The following SLC39A12 variants were observed in gnomAD, a reference collection of about 807,000 sequenced individuals.
SLC39A12 encodes solute carrier family 39 member 12.
A neutral mutation model predicts 71.1 loss-of-function variants in SLC39A12; 63 were observed. That is an observed-to-expected ratio of 0.89 (90% CI 0.72 to 1.09). The LOEUF (loss-of-function observed/expected upper bound fraction) is 1.09, where lower values mean the gene tolerates loss of function less well. SLC39A12 is among the 50% of genes least tolerant of loss of function. The pLI is 0.00. For missense variants in SLC39A12, 892 were observed against 812.6 expected, an observed-to-expected ratio of 1.10 and a Z score of -1.19; for synonymous variants, 351 against 301.3, an observed-to-expected ratio of 1.16 and a Z score of -1.71.
chr10:17,961,754 C>T lies in SLC39A12; in HGVS notation c.435C>T (p.His145=). Residue 145 remains histidine (H), a synonymous_variant, in exon 3 of 13, where the codon CAC becomes CAT. Coordinates refer to ENST00000377369, the MANE Select transcript of SLC39A12 (RefSeq NM_001145195.2). ...ATAAAGAGTATAAATTTTACCTACACAGCCTACTGAGCCTCAGGCAGGATG... is the reference window on the plus strand; with the variant it reads ...ATAAAGAGTATAAATTTTACCTACATAGCCTACTGAGCCTCAGGCAGGATG... ...MSNKEYKFYL[H]SLLSLRQDED... The T allele has an allele frequency of 1.2e-6, 2 of 1,614,032 alleles. No individual in the cohort carries two copies. The highest frequency in any genetic ancestry group is 2.7e-5 in the African/African-American group (2 of 75,036).
intron 4 of SLC39A12, among the ~76,000 whole-genome samples, chr10:17,976,665 T>C (rs1835117734): frequency 6.6e-6 from 1 of 152,210 alleles, no homozygotes; most frequent in Admixed American, 6.5e-5. Context: ...CCTCAGGTGA[T>C]CCACCCGCCT....
chr10:18,036,763 TATATATATATATATATATATATATATA>T (rs1318987019), intron 12 of SLC39A12, among the ~76,000 whole-genome samples: 4 of 8,704 alleles, frequency 4.6e-4, no homozygotes, highest in Admixed American at 8.9e-4. Flanking sequence ...TATATATATA[TATATATATATATATATATATATATATA>T]TATATTTTTT....
At chr10:18,040,595 C>A (rs1419439036) in intron 12 of SLC39A12, among the ~76,000 whole-genome samples, 2 of 151,916 alleles carry the variant, frequency 1.3e-5, no homozygotes, top group Non-Finnish European at 2.9e-5. Flanking sequence ...CATGAAGAAA[C>A]CCTGTCTCTA....
At chr10:18,036,405 C>T (rs2488126) in intron 12 of SLC39A12, among the ~76,000 whole-genome samples, 12,696 of 152,040 alleles carry the variant, frequency 0.084, 611 homozygotes, top group Admixed American at 0.11. Flanking sequence ...GGGAGTGACC[C>T]GATTTTCCAG....
chr10:17,997,806 A>C (rs1829008754), intron 10 of SLC39A12, among the ~76,000 whole-genome samples: 1 of 152,218 alleles, frequency 6.6e-6, no homozygotes, highest in African/African-American at 2.4e-5. Flanking sequence ...TTCAATCCAC[A>C]GTCTGATTTA....
At chr10:17,975,193 A>T (rs1186076377) in intron 4 of SLC39A12, among the ~76,000 whole-genome samples, 1 of 152,066 alleles carries the variant, frequency 6.6e-6, no homozygotes, top group Non-Finnish European at 1.5e-5. Flanking sequence ...CAGGTCCAGA[A>T]ATCCCATCCA....
chr10:18,039,348 C>G (rs993211253), intron 12 of SLC39A12, among the ~76,000 whole-genome samples: 12 of 152,178 alleles, frequency 7.9e-5, no homozygotes, highest in African/African-American at 2.9e-4. Flanking sequence ...GTTTGAGATG[C>G]AGCTTACTGG....
chr10:17,978,603 G>A (rs1835176069), intron 5 of SLC39A12, among the ~76,000 whole-genome samples: 1 of 152,150 alleles, frequency 6.6e-6, no homozygotes, highest in Non-Finnish European at 1.5e-5. Flanking sequence ...CTCAGGAAGA[G>A]AACAAATACG....
chr10:18,028,617 T>C (rs568460703), intron 12 of SLC39A12, among the ~76,000 whole-genome samples: 1 of 152,360 alleles, frequency 6.6e-6, no homozygotes, highest in East Asian at 1.9e-4. Flanking sequence ...CTACTTTCTT[T>C]CCTGATGGTT....
intron 12 of SLC39A12, among the ~76,000 whole-genome samples, chr10:18,036,794 ATTTTT>A (rs746691202): frequency 4.3e-5 from 4 of 92,898 alleles, no homozygotes; most frequent in African/African-American, 1.8e-4. Flanking sequence ...ATATATATAT[ATTTTT>A]TTTTTTAATG....
intron 4 of SLC39A12, among the ~76,000 whole-genome samples, chr10:17,973,642 C>G (rs751133203): frequency 2.6e-5 from 4 of 152,072 alleles, no homozygotes; most frequent in Non-Finnish European, 4.4e-5. Context: ...TTCCTTTTCT[C>G]CTCCTGCTTT....
rs562121172 is a variant in SLC39A12 at position 18,017,437 on chromosome 10, T to C, written c.1947+14079T>C. 3.5e-4 allele frequency among the ~76,000 whole-genome samples: 54 copies of C among 152,224 alleles called. No individual in the cohort carries two copies. The East Asian group carries it at 0.01, about 29-fold the overall frequency. ...AATTCTCCTGCCTCAGCCTCCTGAG[T>C]AGCTAGGATTACAGGTGCATGCCAC... is the stretch of plus-strand genomic sequence containing the variant. On this transcript the variant is annotated intron_variant, in intron 12 of 12. Coordinates refer to ENST00000377369, the MANE Select transcript of SLC39A12 (RefSeq NM_001145195.2).
chr10:17,952,097 GTGTTGT>G (rs1182412493), intron 1 of SLC39A12, 72 bp downstream of exon 1: 3 of 152,166 alleles, frequency 2.0e-5, no homozygotes, highest in Non-Finnish European at 4.4e-5. Context: ...CAACCTTAAA[GTGTTGT>G]TGTTGTTTTT....
At chr10:17,995,139 C>T (rs1429321878) in intron 9 of SLC39A12, among the ~76,000 whole-genome samples, 1 of 152,096 alleles carries the variant, frequency 6.6e-6, no homozygotes, top group Non-Finnish European at 1.5e-5. Flanking sequence ...TCTTAATGGG[C>T]AAGATTCTTT....
intron 2 of SLC39A12, among the ~76,000 whole-genome samples, chr10:17,957,679 G>A (rs1221240584): frequency 3.3e-5 from 5 of 152,058 alleles, no homozygotes; most frequent in Admixed American, 1.3e-4. Flanking sequence ...ATCTAGTGGC[G>A]TCGAACTGAA....
chr10:17,969,359 C>T (rs1381990539), intron 4 of SLC39A12, among the ~76,000 whole-genome samples: 2 of 152,034 alleles, frequency 1.3e-5, no homozygotes, highest in South Asian at 4.1e-4. Context: ...TTTTGAGAAA[C>T]CTCCCGATCG....
chr10:18,022,902 G>A (rs576505180), intron 12 of SLC39A12, among the ~76,000 whole-genome samples: 143 of 152,270 alleles, frequency 9.4e-4, no homozygotes, highest in African/African-American at 3.2e-3. Flanking sequence ...CTATATTAGC[G>A]TAGTATTTTT....
At chr10:18,015,388 T>A (rs1836347731) in intron 12 of SLC39A12, among the ~76,000 whole-genome samples, 1 of 152,190 alleles carries the variant, frequency 6.6e-6, no homozygotes, top group African/African-American at 2.4e-5. Context: ...AATAAGTGAA[T>A]ACTCAAAAGA....
At chr10:18,022,068 C>T (rs904504844) in intron 12 of SLC39A12, among the ~76,000 whole-genome samples, 1 of 152,086 alleles carries the variant, frequency 6.6e-6, no homozygotes, top group African/African-American at 2.4e-5. Flanking sequence ...TTTGTGTTGA[C>T]CTTGAAGAAT....
Sources: gnomAD v4.1 joint callset for allele counts (sites outside exome capture counted in the v4.1 genomes callset) on GRCh38, gnomAD v4.1.1 for gene constraint, MANE v1.5 for transcripts, NCBI Gene and HGNC (gene_info 2026-07-23, HGNC 2026-07-21) for gene names.